NBPF20: variants seen among roughly 807,000 people sequenced by gnomAD.
The protein encoded by NBPF20 is NBPF member 20, also known as NBPF family member NBPF20.
NBPF20 carries 90 observed loss-of-function variants against 68.1 expected under a neutral mutation model. The ratio of observed to expected loss-of-function variants is 1.32; its 90% confidence interval spans 1.11 to 1.58. NBPF20 has a LOEUF of 1.58. Among genes scored for constraint, NBPF20 ranks in the 40% most tolerant of loss-of-function variants. The probability of loss-of-function intolerance (pLI) is 0.00; values close to 1 mark genes in which losing one functional copy is unlikely to be tolerated. For missense variants in NBPF20, 816 were observed against 601.2 expected (o/e 1.36, Z -3.74); for synonymous variants, 290 against 228.1 (o/e 1.27, Z -2.45).
At chr1:145,402,471 C>CA in intron 3 of NBPF20, 90 bp from the exon 9 acceptor site, 1 of 1,437,910 alleles carries the variant, frequency 7.0e-7, no homozygotes, top group East Asian at 2.3e-5. Context: ...ATAATGTCCT[C>CA]AAGGAGACCT....
chr1:145,410,847 G>A, the NBPF20 span, among the ~76,000 whole-genome samples: 1 of 122,458 alleles, frequency 8.2e-6, no homozygotes, highest in Non-Finnish European at 1.7e-5. Context: ...TTCCCTATTT[G>A]GAGATAATAA....
chr1:145,424,481 A>T, the NBPF20 span, among the ~76,000 whole-genome samples: 2 of 152,194 alleles, frequency 1.3e-5, no homozygotes, highest in Non-Finnish European at 2.9e-5. Flanking sequence ...ACTAAACACT[A>T]CCAGCAGATC....
chr1:145,402,415 G>C, intron 3 of NBPF20, 34 bp from the exon 9 acceptor site: 1 of 1,604,928 alleles, frequency 6.2e-7, no homozygotes, highest in Non-Finnish European at 8.5e-7. Context: ...TTTAAGAGTG[G>C]AAAGGTTCAG....
At chr1:145,290,205 A>T (rs1168220750) in exon 138 of NBPF20, 1 of 148,504 alleles carries the variant, frequency 6.7e-6, no homozygotes, top group African/African-American at 2.6e-5. Flanking sequence ...ATAAATGATA[A>T]AATGTTTAGA....
chr1:145,422,987 GA>G, the NBPF20 span, among the ~76,000 whole-genome samples: 51 of 114,384 alleles, frequency 4.5e-4, no homozygotes, highest in East Asian at 7.5e-4. Context: ...GGCCCTGTCT[GA>G]AAAAAAAAAA....
the NBPF20 span, among the ~76,000 whole-genome samples, chr1:145,411,110 A>G: frequency 6.8e-6 from 1 of 145,996 alleles, no homozygotes; most frequent in Non-Finnish European, 1.5e-5. Context: ...CTTTTATAAT[A>G]TTGCTATTTT....
At chr1:145,298,360 A>G (rs1661341460) in intron 129 of NBPF20, among the ~76,000 whole-genome samples, 2 of 144,110 alleles carry the variant, frequency 1.4e-5, no homozygotes, top group Non-Finnish European at 3.0e-5. Context: ...ACACACAGAC[A>G]CACACACACA....
intron 115 of NBPF20, among the ~76,000 whole-genome samples, 157 bp from the exon 121 acceptor site, chr1:145,309,405 A>G (rs1477730892): frequency 5.1e-5 from 1 of 19,598 alleles, no homozygotes; most frequent in Non-Finnish European, 1.0e-4. Context: ...TTGGGACAGA[A>G]CAGGGCCAAA....
chr1:145,311,985 C>T (rs1287217467), intron 112 of NBPF20, among the ~76,000 whole-genome samples: 94 of 79,274 alleles, frequency 1.2e-3, no homozygotes, highest in Admixed American at 5.3e-3. Context: ...AGGATTAGGG[C>T]GCCACAGGCA....
At chr1:145,291,367 C>T in exon 138 of NBPF20, 1 of 1,522,192 alleles carries the variant, frequency 6.6e-7, no homozygotes, top group Non-Finnish European at 8.9e-7. Context: ...AGACTGAGCA[C>T]AGGTTGCCAC....
chr1:145,378,158 C>A, intron 28 of NBPF20, 64 bp from the exon 34 acceptor site: 1 of 70,696 alleles, frequency 1.4e-5, no homozygotes, highest in South Asian at 7.8e-5. Context: ...TAACAATCCA[C>A]TGTCTAATCC....
At chr1:145,377,815 TG>T (rs1661839529) in intron 29 of NBPF20, among the ~76,000 whole-genome samples, 1 of 64,774 alleles carries the variant, frequency 1.5e-5, no homozygotes, top group African/African-American at 5.1e-5. Context: ...TCCATGCAGT[TG>T]CCATACAGCC....
intron 112 of NBPF20, among the ~76,000 whole-genome samples, chr1:145,311,921 A>C (rs1221972400): frequency 1.8e-5 from 2 of 111,334 alleles, no homozygotes; most frequent in African/African-American, 4.3e-5. Flanking sequence ...AATTCAGACA[A>C]AATCAGAGTT....
intron 13 of NBPF20, among the ~76,000 whole-genome samples, chr1:145,390,379 G>A (rs1461300016): frequency 1.8e-5 from 1 of 55,754 alleles, no homozygotes; most frequent in African/African-American, 1.2e-4. Flanking sequence ...CACAGAGAGA[G>A]AACGAGCTCA....
chr1:145,378,184 A>T, intron 28 of NBPF20, 90 bp from the exon 34 acceptor site: 1 of 63,538 alleles, frequency 1.6e-5, no homozygotes, highest in South Asian at 8.9e-5. Context: ...CAGGGACTTC[A>T]GGCTCCTCAG....
At chr1:145,405,606 G>T, upstream of NBPF20, 1 of 689,562 alleles carries the variant, frequency 1.5e-6, no homozygotes, top group Non-Finnish European at 2.3e-6. Flanking sequence ...GGGTGTCATG[G>T]AATCTTAGGA....
At chr1:145,403,821 T>C (rs1388097376) in intron 2 of NBPF20, among the ~76,000 whole-genome samples, 1 of 151,812 alleles carries the variant, frequency 6.6e-6, no homozygotes, top group Non-Finnish European at 1.5e-5. Context: ...TTAAGAATCA[T>C]ATCTGAAGCA....
intron 61 of NBPF20, among the ~76,000 whole-genome samples, chr1:145,352,334 C>A (rs1237507070): frequency 4.8e-3 from 416 of 87,372 alleles, no homozygotes; most frequent in Middle Eastern, 0.016. Context: ...CACACAGACA[C>A]ACACACACAC....
chr1:145,404,963 A>G, intron 2 of NBPF20, 135 bp downstream of exon 7: 2 of 1,288,304 alleles, frequency 1.6e-6, no homozygotes, highest in Non-Finnish European at 2.2e-6. Flanking sequence ...CAACTAACAA[A>G]ATGTTAAAAT....
Sources: allele counts gnomAD v4.1 joint callset (sites outside exome capture counted in the v4.1 genomes callset), GRCh38; gene constraint gnomAD v4.1.1; transcripts MANE v1.5; gene names NCBI Gene and HGNC (gene_info 2026-07-23, HGNC 2026-07-21).